SOX5: variants seen among roughly 807,000 people sequenced by gnomAD.
SOX5 encodes the protein transcription factor SOX-5.
Under a neutral mutation model 92.0 loss-of-function variants are expected in SOX5, and 9 were observed. The observed-to-expected ratio is 0.10, with a 90% CI of 0.06 to 0.17. The LOEUF (loss-of-function observed/expected upper bound fraction) is 0.17. Ranked by LOEUF, SOX5 falls within the 10% of genes least tolerant of loss-of-function variation. SOX5 has a pLI of 1.00. For missense variants in SOX5, 642 were observed against 944.5 expected (o/e 0.68, Z 4.20); for synonymous variants, 344 against 336.3 (o/e 1.02, Z -0.25).
intron 4 of SOX5, among the ~76,000 whole-genome samples, chr12:23,751,089 A>G (rs1045204194): frequency 6.6e-6 from 1 of 151,916 alleles, no homozygotes; most frequent in African/African-American, 2.4e-5. Context: ...CAGAGGAACT[A>G]TAAAACAAGC....
intron 3 of SOX5, among the ~76,000 whole-genome samples, chr12:23,823,968 G>A (rs1049413657): frequency 5.3e-5 from 8 of 152,274 alleles, no homozygotes; most frequent in East Asian, 3.9e-4. Context: ...GCTCCATCAC[G>A]TCATTTATGT....
chr12:23,634,811 A>C (rs1299280006), intron 8 of SOX5, among the ~76,000 whole-genome samples: 2 of 152,194 alleles, frequency 1.3e-5, no homozygotes, highest in Non-Finnish European at 2.9e-5. Flanking sequence ...AAGGTGATTA[A>C]TTAATATAGA....
chr12:24,425,071 G>A (rs1243256871), intron 1 of SOX5, among the ~76,000 whole-genome samples: 1 of 152,116 alleles, frequency 6.6e-6, no homozygotes, highest in Admixed American at 6.6e-5. Context: ...AGCCATACAT[G>A]CTATTACTTC....
chr12:24,202,437 T>A (rs1398223774), intron 4 of SOX5, among the ~76,000 whole-genome samples: 1 of 152,196 alleles, frequency 6.6e-6, no homozygotes, highest in African/African-American at 2.4e-5. Context: ...CAAATTAACA[T>A]ATTATAGAAC....
chr12:24,014,881 T>G (rs1953399715), intron 4 of SOX5, among the ~76,000 whole-genome samples: 1 of 152,146 alleles, frequency 6.6e-6, no homozygotes, highest in Admixed American at 6.6e-5. Context: ...CATTAAGTGC[T>G]TTTTGGGAGA....
intron 1 of SOX5, among the ~76,000 whole-genome samples, chr12:24,409,559 T>C (rs1017635231): frequency 6.6e-6 from 1 of 152,156 alleles, no homozygotes; most frequent in Admixed American, 6.5e-5. Flanking sequence ...CTGAGATAAA[T>C]GTCCAGGAGT....
chr12:23,557,943 T>C (rs1945491346), intron 11 of SOX5, among the ~76,000 whole-genome samples: 1 of 134,176 alleles, frequency 7.5e-6, no homozygotes, highest in Non-Finnish European at 1.5e-5. Context: ...GCCATTGCAC[T>C]CCAGCCTGGG....
Position 24,284,427 on chromosome 12 carries a change from T to TC in SOX5, c.-173-7116_-173-7115insG, listed in dbSNP as rs1195307777. 3.9e-5 allele frequency among the ~76,000 whole-genome samples: 3 copies of TC among 76,464 alleles called. No individual in the cohort carries two copies. The Admixed American group carries it at 5.6e-4, about 14-fold the overall frequency. 50.2% of individuals were successfully genotyped at this position (76,464 alleles called of 152,430 possible). ...GAGAATGTGGGAGGCACACGTTTTT[T>TC]TTCTTTGTGTGTGTGTGTGTGTGTG... is the stretch of plus-strand genomic sequence containing the variant. On this transcript the variant is annotated intron_variant, in intron 2 of 4. Coordinates refer to the SOX5 transcript ENST00000446891.
chr12:23,849,774 T>A (rs1392147882), intron 2 of SOX5, among the ~76,000 whole-genome samples: 4 of 152,202 alleles, frequency 2.6e-5, no homozygotes, highest in Non-Finnish European at 4.4e-5. Context: ...TCATGTCATA[T>A]TTTTTAAAAT....
chr12:24,240,951 G>T (rs1370576204), intron 3 of SOX5, among the ~76,000 whole-genome samples: 2 of 152,098 alleles, frequency 1.3e-5, no homozygotes, highest in African/African-American at 4.8e-5. Context: ...CAGAGAACAG[G>T]TTCCTAAATC....
At chr12:23,721,174 C>T (rs1265978181) in intron 6 of SOX5, among the ~76,000 whole-genome samples, 2 of 152,250 alleles carry the variant, frequency 1.3e-5, no homozygotes, top group East Asian at 1.9e-4. Context: ...CAACCTCCAC[C>T]TCCCAGGTTC....
chr12:24,370,101 C>T (rs1346015694), intron 1 of SOX5, among the ~76,000 whole-genome samples: 4 of 152,154 alleles, frequency 2.6e-5, no homozygotes, highest in African/African-American at 9.7e-5. Context: ...GAATGAATCA[C>T]ACACAAGTAA....
At chr12:24,245,235 T>TTG (rs58384963) in intron 3 of SOX5, among the ~76,000 whole-genome samples, 10,337 of 144,216 alleles carry the variant, frequency 0.072, 547 homozygotes, top group African/African-American at 0.15. Context: ...TTGGAGAGAT[T>TTG]TGTGTGTGTG....
intron 4 of SOX5, among the ~76,000 whole-genome samples, chr12:24,132,794 T>A (rs1029271141): frequency 6.6e-6 from 1 of 151,946 alleles, no homozygotes; most frequent in Non-Finnish European, 1.5e-5. Context: ...ATCCTAACAT[T>A]CTTAAAAAAA....
chr12:24,286,216 T>C (rs1032885269), intron 2 of SOX5, among the ~76,000 whole-genome samples: 2 of 152,160 alleles, frequency 1.3e-5, no homozygotes, highest in Non-Finnish European at 2.9e-5. Flanking sequence ...CAGTTAATAA[T>C]TGTAGTGTCC....
chr12:24,448,471 A>G (rs1397484851), intron 1 of SOX5, among the ~76,000 whole-genome samples: 1 of 152,186 alleles, frequency 6.6e-6, no homozygotes, highest in Admixed American at 6.5e-5. Flanking sequence ...CCGAGCATTC[A>G]GGCCTCTCCA....
At chr12:23,886,621 A>C (rs959598052) in intron 2 of SOX5, among the ~76,000 whole-genome samples, 4 of 152,128 alleles carry the variant, frequency 2.6e-5, no homozygotes, top group Non-Finnish European at 4.4e-5. Context: ...ATTATCACTT[A>C]TATTAAGTTT....
At chr12:24,485,110 T>C (rs1946387375) in intron 1 of SOX5, among the ~76,000 whole-genome samples, 2 of 151,934 alleles carry the variant, frequency 1.3e-5, no homozygotes, top group Admixed American at 1.3e-4. Context: ...GGAGATGGGC[T>C]CAAGCAAAAT....
chr12:24,389,776 G>A (rs1316977380), intron 1 of SOX5, among the ~76,000 whole-genome samples: 1 of 152,154 alleles, frequency 6.6e-6, no homozygotes, highest in Non-Finnish European at 1.5e-5. Context: ...AACTCATGAG[G>A]TTTAACATTT....
Sources: allele counts gnomAD v4.1 joint callset (sites outside exome capture counted in the v4.1 genomes callset), GRCh38; gene constraint gnomAD v4.1.1; transcripts MANE v1.5; gene names NCBI Gene and HGNC (gene_info 2026-07-23, HGNC 2026-07-21).